Variants in NF1 observed in about 807,000 individuals in gnomAD.
The protein encoded by NF1 is neurofibromin.
Under a neutral mutation model 325.7 loss-of-function variants are expected in NF1, and 122 were observed. That is an observed-to-expected ratio of 0.37 (90% CI 0.32 to 0.44). The LOEUF (loss-of-function observed/expected upper bound fraction) is 0.44, where lower values mean the gene tolerates loss of function less well. NF1 is among the 20% of genes least tolerant of loss of function. The pLI is 1.00. For missense variants in NF1, 2,140 were observed against 3,415.4 expected (o/e 0.63, Z 9.31); for synonymous variants, 1,091 against 1,186.0 (o/e 0.92, Z 1.65).
chr17:31,151,415 T>C (rs1404816870), intron 1 of NF1, among the ~76,000 whole-genome samples: 1 of 152,212 alleles, frequency 6.6e-6, no homozygotes, highest in Non-Finnish European at 1.5e-5. Context: ...ATTATTCTGG[T>C]CATCTGAAGC....
intron 11 of NF1, 129 bp downstream of exon 11, chr17:31,201,614 A>T (rs1237289291): frequency 2.8e-6 from 2 of 708,540 alleles, no homozygotes; most frequent in Non-Finnish European, 5.0e-6. Context: ...AAATAGGAAA[A>T]TTTCTCCATG....
At chr17:31,137,531 A>T (rs1915866063) in intron 1 of NF1, 1 of 152,012 alleles carries the variant, frequency 6.6e-6, no homozygotes, top group South Asian at 2.1e-4. Flanking sequence ...CAGTGTGACC[A>T]TTTTCCTTGA....
chr17:31,191,364 A>G (rs184297091), intron 8 of NF1, among the ~76,000 whole-genome samples: 13 of 152,314 alleles, frequency 8.5e-5, no homozygotes, highest in Admixed American at 7.2e-4. Flanking sequence ...TAATAGCGCA[A>G]ATTTGAAAAC....
intron 56 of NF1, chr17:31,359,813 A>T (rs1339071087): frequency 6.4e-6 from 1 of 155,494 alleles, no homozygotes; most frequent in Middle Eastern, 3.1e-3. Flanking sequence ...GATGTATATG[A>T]TCATTTTCTC....
At chr17:31,270,111 A>G (rs1342081245) in intron 36 of NF1, among the ~76,000 whole-genome samples, 2 of 152,248 alleles carry the variant, frequency 1.3e-5, no homozygotes, top group Non-Finnish European at 2.9e-5. Flanking sequence ...TACAAGGTAC[A>G]CGACAGTGTG....
In NF1 at chr17:31,336,683, A is replaced by G. The variant is rs1567616928; in HGVS notation, c.6196A>G (p.Thr2066Ala). 2 of 1,613,282 alleles carry G rather than the reference A, an allele frequency of 1.2e-6. No individual in the cohort carries two copies. The highest frequency in any genetic ancestry group is 1.7e-6 in the Non-Finnish European group (2 of 1,179,840). ...KIIDKTCLSP[T>A]PTLEQHLMWD... ...AATTGACAAGACATGCTTATCTCCA[A>G]CTCCTACTTTAGAACAACATCTTAT... Residue 2066 changes from threonine to alanine, a missense_variant, in exon 42 of 58, where the codon ACT becomes GCT. Around this residue, in one of 10 missense-constraint regions of NF1, gnomAD observed 180 missense variants for 435.1 expected, o/e 0.41. Coordinates refer to ENST00000358273, the MANE Select transcript of NF1 (RefSeq NM_001042492.3). This position sits in a 1 kb window ranked among gnomAD's most constrained non-coding sequence, Gnocchi z 5.5.
At chr17:31,164,152 G>A (rs1239727480) in intron 4 of NF1, among the ~76,000 whole-genome samples, 1 of 152,144 alleles carries the variant, frequency 6.6e-6, no homozygotes, top group African/African-American at 2.4e-5. Flanking sequence ...TCTAAGTCAG[G>A]CTGGCTTCAG....
intron 1 of NF1, among the ~76,000 whole-genome samples, chr17:31,099,025 G>C (rs910326139): frequency 6.6e-6 from 1 of 151,866 alleles, no homozygotes; most frequent in Non-Finnish European, 1.5e-5. Flanking sequence ...TGCTTTACTG[G>C]GCCCAGGGGG....
chr17:31,192,729 T>C (rs1326550611), intron 8 of NF1, among the ~76,000 whole-genome samples: 2 of 152,192 alleles, frequency 1.3e-5, no homozygotes, highest in Non-Finnish European at 2.9e-5. Flanking sequence ...AATTTCAAGG[T>C]ATGGCAAGGA....
At chr17:31,335,295 T>TATATATATATATATATAA in intron 40 of NF1, among the ~76,000 whole-genome samples, 1 of 128,886 alleles carries the variant, frequency 7.8e-6, no homozygotes, top group African/African-American at 3.2e-5. Context: ...TATATATATA[T>TATATATATATATATATAA]AATTATGCCT....
chr17:31,135,746 T>C (rs1203664671), intron 1 of NF1, among the ~76,000 whole-genome samples: 1 of 151,900 alleles, frequency 6.6e-6, no homozygotes, highest in Non-Finnish European at 1.5e-5. Flanking sequence ...AAAAAACATT[T>C]TTTTTTTTTG....
intron 47 of NF1, among the ~76,000 whole-genome samples, 196 bp from the exon 48 acceptor site, chr17:31,342,812 AT>A (rs547608189): frequency 2.8e-4 from 43 of 152,330 alleles, no homozygotes; most frequent in Non-Finnish European, 5.7e-4. Context: ...CTTCTTATTT[AT>A]ATGCTTGACT....
intron 36 of NF1, chr17:31,272,234 C>G (rs1486055290): frequency 6.6e-6 from 1 of 152,224 alleles, no homozygotes; most frequent in African/African-American, 2.4e-5. Context: ...AGTTGAAGTT[C>G]ACTTCAGCCT....
intron 29 of NF1, among the ~76,000 whole-genome samples, chr17:31,238,121 G>T (rs1266053014): frequency 1.3e-5 from 2 of 152,156 alleles, no homozygotes; most frequent in Admixed American, 1.3e-4. Flanking sequence ...CATAATTGAC[G>T]AGTTGCTGGA....
intron 5 of NF1, among the ~76,000 whole-genome samples, chr17:31,175,107 CAAAAAAAAA>C (rs1171161386): frequency 6.9e-5 from 2 of 29,032 alleles, no homozygotes; most frequent in South Asian, 2.6e-3. Flanking sequence ...GACTCCATCT[CAAAAAAAAA>C]AAAAAAAAAA....
At chr17:31,221,713 C>A in intron 14 of NF1, 137 bp from the exon 15 acceptor site, 1 of 664,108 alleles carries the variant, frequency 1.5e-6, no homozygotes, top group Non-Finnish European at 2.6e-6. Context: ...TCTCTTTTTA[C>A]CTTTTACTAT....
chr17:31,190,899 A>AT (rs2066330929), intron 8 of NF1, among the ~76,000 whole-genome samples: 1 of 152,238 alleles, frequency 6.6e-6, no homozygotes, highest in South Asian at 2.1e-4. Context: ...ATAGTATCTC[A>AT]TCTCAGGTAT....
chr17:31,285,282 A>AAG (rs1053858896), intron 36 of NF1, among the ~76,000 whole-genome samples: 9 of 149,810 alleles, frequency 6.0e-5, no homozygotes, highest in African/African-American at 2.3e-4. Context: ...CTGTTTAAAA[A>AAG]AAAAAAAAAA....
chr17:31,366,869 TTTTC>T (rs1165299544), intron 57 of NF1, among the ~76,000 whole-genome samples: 5 of 152,228 alleles, frequency 3.3e-5, no homozygotes, highest in African/African-American at 1.2e-4. Flanking sequence ...TTTGTTTTCT[TTTTC>T]TTTGTTATTA....
Sources: allele counts gnomAD v4.1 joint callset (sites outside exome capture counted in the v4.1 genomes callset), GRCh38; gene constraint gnomAD v4.1.1; regional missense constraint gnomAD v4.1.1; non-coding constraint Gnocchi (gnomAD v3.1); transcripts MANE v1.5; gene names NCBI Gene and HGNC (gene_info 2026-07-23, HGNC 2026-07-21).